CAMKK1: variants seen among roughly 807,000 people sequenced by gnomAD.
CAMKK1 encodes calcium/calmodulin dependent protein kinase kinase 1.
Under a neutral mutation model 63.5 loss-of-function variants are expected in CAMKK1, and 20 were observed. That is an observed-to-expected ratio of 0.32 (90% confidence interval 0.22 to 0.46). The LOEUF (loss-of-function observed/expected upper bound fraction) is 0.46. Among genes scored for constraint, CAMKK1 ranks in the 20% least tolerant of loss-of-function variants. The probability of loss-of-function intolerance (pLI) is 1.00; values close to 1 mark genes in which losing one functional copy is unlikely to be tolerated. For synonymous variants in CAMKK1, 253 were observed against 269.0 expected, an observed-to-expected ratio of 0.94 and a Z score of 0.58; for missense variants, 588 against 658.1, an observed-to-expected ratio of 0.89 and a Z score of 1.17.
At position 3,892,995 on chromosome 17, in the gene CAMKK1, G is replaced by GCGCGCCCCGCCCCGCCCCGCCC. The variant is rs2055959624; in HGVS notation, c.-122_-101dup. On this transcript the variant is annotated 5_prime_UTR_variant, in exon 1 of 16. Transcript: ENST00000348335. The surrounding 1 kb of genome is among the most constrained non-coding windows in gnomAD (Gnocchi z 7.5). ...GCGGGCGGCCCCACTCGCTCCTGCT[G>GCGCGCCCCGCCCCGCCCCGCCC]CGCGCCCCGCCCCGCCCCGCCCCGC... is the stretch of plus-strand genomic sequence containing the variant. 1 of 145,326 alleles carries GCGCGCCCCGCCCCGCCCCGCCC rather than the reference G, an allele frequency of 6.9e-6. No individual in the cohort carries two copies. The highest frequency in any genetic ancestry group is 1.9e-4 in the South Asian group (1 of 5,302). 9.0% of individuals were successfully genotyped at this position (145,326 alleles called of 1,614,324 possible). A position where few individuals can be genotyped will look rare whatever the true frequency, so the allele number is the denominator to read the frequency against.
At position 3,884,015 on chromosome 17, in the gene CAMKK1, C is replaced by T; in HGVS notation, c.409-78G>A. 1 of 1,397,890 alleles carries T rather than the reference C, an allele frequency of 7.2e-7. No homozygotes were observed. The highest frequency in any genetic ancestry group is 1.2e-5 in the South Asian group (1 of 85,956). 86.6% of individuals were successfully genotyped at this position (1,397,890 alleles called of 1,614,324 possible). ...CCAGCTCAGGAGGTGGGGAGCCGAG[C>T]AGCTCTGGTCTCTCCTGCACCCCAT... On this transcript the variant is annotated intron_variant, in intron 3 of 15. Transcript: ENST00000348335. This position sits in a 1 kb window ranked among gnomAD's most constrained non-coding sequence, Gnocchi z 4.5.
At chr17:3,874,029 G>T (rs1216411751) in intron 10 of CAMKK1, among the ~76,000 whole-genome samples, 2 of 152,116 alleles carry the variant, frequency 1.3e-5, no homozygotes, top group African/African-American at 4.8e-5. Context: ...TTCTGCTCCG[G>T]AACGCCACCT....
chr17:3,872,499 C>G, intron 12 of CAMKK1, 55 bp downstream of exon 12: 1 of 1,490,034 alleles, frequency 6.7e-7, no homozygotes, highest in Non-Finnish European at 9.4e-7. Context: ...TCTGCTAAAA[C>G]TCAGACACCA....
chr17:3,866,452 C>G (rs955115773), intron 14 of CAMKK1, among the ~76,000 whole-genome samples: 1 of 152,272 alleles, frequency 6.6e-6, no homozygotes, highest in Non-Finnish European at 1.5e-5. Context: ...GTGGCCCAGT[C>G]AGTGGGGCTG....
In CAMKK1 at chr17:3,884,457, G is replaced by A; in HGVS notation, c.361-30C>T. On this transcript the variant is annotated intron_variant, in intron 2 of 15. Coordinates refer to ENST00000348335, the MANE Select transcript of CAMKK1 (RefSeq NM_032294.3). The surrounding 1 kb of genome is among the most constrained non-coding windows in gnomAD (Gnocchi z 4.5). ...GGGGGAAGAGCGAGCACCAGGTGGA[G>A]CTGGGTCCGGAGGCAGCACTGCTCC... is the stretch of plus-strand genomic sequence containing the variant. 6.2e-7 allele frequency: 1 copy of A among 1,610,384 alleles called. No individual in the cohort carries two copies. The highest frequency in any genetic ancestry group is 8.5e-7 in the Non-Finnish European group (1 of 1,177,982).
chr17:3,877,676 C>T (rs1345237735), intron 9 of CAMKK1, among the ~76,000 whole-genome samples: 1 of 152,150 alleles, frequency 6.6e-6, no homozygotes, highest in Non-Finnish European at 1.5e-5. Context: ...AAACCAGTGG[C>T]ACTTTCTTGA....
At chr17:3,888,520 T>C (rs937371100) in intron 1 of CAMKK1, among the ~76,000 whole-genome samples, 1 of 152,220 alleles carries the variant, frequency 6.6e-6, no homozygotes, top group African/African-American at 2.4e-5. Context: ...GATGGGGTTC[T>C]AGCGGGCCTC....
At chr17:3,880,030 A>G (rs572018529) in intron 9 of CAMKK1, 1 of 355,030 alleles carries the variant, frequency 2.8e-6, no homozygotes, top group South Asian at 3.6e-5. Context: ...CTTCCTTCCC[A>G]CATCTCTTGA....
Position 3,889,988 on chromosome 17 carries a change from C to G in CAMKK1, c.-44+2951G>C, listed in dbSNP as rs2055827823. Among the ~76,000 whole-genome samples, 1 of 152,218 alleles carries G rather than the reference C, an allele frequency of 6.6e-6. No homozygotes were observed. Among genetic ancestry groups the G allele is most frequent in the Non-Finnish European group, 1.5e-5 (1 of 68,016 alleles). ...GGCCGCTGTGAACCCCAGTGCCAAG[C>G]CGAGGCAGGGGACCAGCTACATCCA... On this transcript the variant is annotated intron_variant, in intron 1 of 15. Coordinates refer to ENST00000348335, the MANE Select transcript of CAMKK1 (RefSeq NM_032294.3). The surrounding 1 kb of genome is among the most constrained non-coding windows in gnomAD (Gnocchi z 5.2).
chr17:3,866,827 C>T (rs1376165339), intron 14 of CAMKK1, among the ~76,000 whole-genome samples: 1 of 152,190 alleles, frequency 6.6e-6, no homozygotes, highest in African/African-American at 2.4e-5. Context: ...TCAAATGATC[C>T]TTCCGCCTCA....
Position 3,884,191 on chromosome 17 carries a change from C to T in CAMKK1, c.408+189G>A, listed in dbSNP as rs531590659. Among the ~76,000 whole-genome samples the T allele has an allele frequency of 3.3e-5, 5 of 152,248 alleles. No individual in the cohort carries two copies. Among genetic ancestry groups the T allele is most frequent in the East Asian group, 3.9e-4 (2 of 5,188 alleles). ...GTCCACTGTCAAGAACTCAGAGAGT[C>T]GGGAATCAGGAGCCATCTTCCACCC... On this transcript the variant is annotated intron_variant, in intron 3 of 15. Coordinates refer to ENST00000348335, the MANE Select transcript of CAMKK1 (RefSeq NM_032294.3). This position sits in a 1 kb window ranked among gnomAD's most constrained non-coding sequence, Gnocchi z 4.5.
intron 14 of CAMKK1, among the ~76,000 whole-genome samples, chr17:3,866,660 G>T (rs2054538557): frequency 6.6e-6 from 1 of 151,964 alleles, no homozygotes; most frequent in African/African-American, 2.4e-5. Flanking sequence ...TGCCTACTGG[G>T]TGCTGGCCAC....
At chr17:3,873,559 T>A (rs1056062612) in intron 10 of CAMKK1, 97 bp from the exon 11 acceptor site, 17 of 1,186,612 alleles carry the variant, frequency 1.4e-5, no homozygotes, top group Middle Eastern at 3.8e-4. Context: ...AGGGAACCTC[T>A]TTCCTCTGTC....
chr17:3,871,256 C>T (rs915762348), intron 12 of CAMKK1, among the ~76,000 whole-genome samples: 2 of 150,110 alleles, frequency 1.3e-5, no homozygotes, highest in African/African-American at 2.5e-5. Context: ...GGGGACCACA[C>T]AGGAAATAAG....
rs2055458277 is a variant in CAMKK1 at position 3,882,574 on chromosome 17, G to A, written c.649-10C>T. The A allele has an allele frequency of 1.3e-6, 2 of 1,591,160 alleles. No homozygotes were observed. The highest frequency in any genetic ancestry group is 2.3e-5 in the East Asian group (1 of 43,920). ...CTGGGTCATCCAGGACCTGGTCAGA[G>A]GGAGCAGACATGGGGGTGGGGCTTG... On this transcript the variant is annotated splice_polypyrimidine_tract_variant and intron_variant, in intron 6 of 15. Coordinates refer to ENST00000348335, the MANE Select transcript of CAMKK1 (RefSeq NM_032294.3). The surrounding 1 kb of genome is among the most constrained non-coding windows in gnomAD (Gnocchi z 4.3).
chr17:3,884,417 T>A lies in CAMKK1; in HGVS notation c.371A>T (p.Gln124Leu). 6.2e-7 allele frequency: 1 copy of A among 1,613,768 alleles called. No homozygotes were observed. The highest frequency in any genetic ancestry group is 1.1e-5 in the South Asian group (1 of 91,042). Residue 124 changes from glutamine to leucine, a missense_variant, in exon 3 of 16, where the codon CAG (glutamine) becomes CTG (leucine). Gln to Leu is a moderately radical substitution (Grantham distance 113). Around this residue, in one of 3 missense-constraint regions of CAMKK1, gnomAD observed 357 missense variants for 407.4 expected, o/e 0.88. Transcript: ENST00000348335. This position sits in a 1 kb window ranked among gnomAD's most constrained non-coding sequence, Gnocchi z 4.5. ...VAISDAEDCV[Q>L]LNQYKLQSEI... ...ACTCTGCAGCTTGTACTGGTTCAGC[T>A]GCACGCAGTCCTGTGGGGGAAGAGC...
intron 15 of CAMKK1, among the ~76,000 whole-genome samples, chr17:3,864,599 T>C (rs2054444757): frequency 6.6e-6 from 1 of 152,130 alleles, no homozygotes; most frequent in Non-Finnish European, 1.5e-5. Context: ...ATGTCCCCAT[T>C]TGGACGTCAA....
At chr17:3,874,892 C>T (rs895211815) in intron 10 of CAMKK1, among the ~76,000 whole-genome samples, 14 of 151,360 alleles carry the variant, frequency 9.2e-5, no homozygotes, top group African/African-American at 2.7e-4. Flanking sequence ...GAGGCCGAGG[C>T]GGGCGGATCA....
Position 3,883,025 on chromosome 17 carries a change from T to C in CAMKK1, c.648+17A>G, listed in dbSNP as rs1307393204. ...GACTCAGGTGCTGGTTCCCACCTGC[T>C]CACCACCACCCCCTACCTCGATCAG... On this transcript the variant is annotated intron_variant, in intron 6 of 15. Transcript: ENST00000348335. The surrounding 1 kb of genome is among the most constrained non-coding windows in gnomAD (Gnocchi z 4.7). 1.9e-6 allele frequency: 3 copies of C among 1,613,050 alleles called. No individual in the cohort carries two copies. Among genetic ancestry groups the C allele is most frequent in the South Asian group, 2.2e-5 (2 of 91,046 alleles).
Sources: allele counts gnomAD v4.1 joint callset (sites outside exome capture counted in the v4.1 genomes callset), GRCh38; gene constraint gnomAD v4.1.1; regional missense constraint gnomAD v4.1.1; non-coding constraint Gnocchi (gnomAD v3.1); transcripts MANE v1.5; gene names NCBI Gene and HGNC (gene_info 2026-07-23, HGNC 2026-07-21).